Variants in AKAP6 observed in about 807,000 individuals in gnomAD.
AKAP6 encodes the protein A-kinase anchoring protein 6.
Under a neutral mutation model 188.5 loss-of-function variants are expected in AKAP6, and 58 were observed. The ratio of observed to expected loss-of-function variants is 0.31; its 90% CI spans 0.25 to 0.38. The LOEUF is 0.38. AKAP6 is among the 10% of genes least tolerant of loss of function. The pLI is 1.00. For synonymous variants in AKAP6, 989 were observed against 998.6 expected, an observed-to-expected ratio of 0.99 and a Z score of 0.18; for missense variants, 2,710 against 2,740.0, an observed-to-expected ratio of 0.99 and a Z score of 0.24.
intron 4 of AKAP6, among the ~76,000 whole-genome samples, chr14:32,555,747 T>C (rs1474446779): frequency 6.6e-6 from 1 of 152,240 alleles, no homozygotes; most frequent in Non-Finnish European, 1.5e-5. Context: ...TTAAGGTTCA[T>C]CCATGTTGTA....
intron 4 of AKAP6, among the ~76,000 whole-genome samples, chr14:32,554,088 G>A (rs539036954): frequency 6.6e-6 from 1 of 152,262 alleles, no homozygotes; most frequent in African/African-American, 2.4e-5. Context: ...CTGGACATAT[G>A]TGGTATAAGT....
chr14:32,526,826 T>TA (rs202244163), intron 2 of AKAP6, among the ~76,000 whole-genome samples: 2,488 of 152,350 alleles, frequency 0.016, 24 homozygotes, highest in South Asian at 0.029. Flanking sequence ...ACAGCAAAAT[T>TA]AAGAGGCAGG....
chr14:32,573,174 C>T (rs1369026486), intron 4 of AKAP6, among the ~76,000 whole-genome samples: 5 of 152,152 alleles, frequency 3.3e-5, no homozygotes, highest in African/African-American at 4.8e-5. Context: ...ACAGGAAAGA[C>T]ACTGAACAGA....
chr14:32,543,638 C>A (rs1883062262), intron 3 of AKAP6, among the ~76,000 whole-genome samples: 1 of 152,140 alleles, frequency 6.6e-6, no homozygotes, highest in Admixed American at 6.6e-5. Flanking sequence ...CAACAGGATG[C>A]TTCTAAAGGA....
intron 2 of AKAP6, among the ~76,000 whole-genome samples, chr14:32,524,684 C>G (rs538435923): frequency 2.5e-4 from 38 of 152,246 alleles, no homozygotes; most frequent in African/African-American, 8.4e-4. Flanking sequence ...GTAAATTCTA[C>G]TGTAGATATA....
intron 11 of AKAP6, among the ~76,000 whole-genome samples, 168 bp from the exon 12 acceptor site, chr14:32,773,510 T>G (rs1019429594): frequency 1.3e-5 from 2 of 152,180 alleles, no homozygotes; most frequent in Non-Finnish European, 2.9e-5. Context: ...CATATTGGAC[T>G]TCTGTAGGAG....
At chr14:32,710,184 T>C (rs966164893) in intron 9 of AKAP6, among the ~76,000 whole-genome samples, 1 of 108,440 alleles carries the variant, frequency 9.2e-6, no homozygotes, top group South Asian at 3.4e-4. Flanking sequence ...GAACATGACA[T>C]AAAAAATGGA....
At chr14:32,521,949 C>T (rs1221341700) in intron 2 of AKAP6, among the ~76,000 whole-genome samples, 2 of 152,182 alleles carry the variant, frequency 1.3e-5, no homozygotes, top group African/African-American at 4.8e-5. Flanking sequence ...TACTACAAGG[C>T]TACAGTAACC....
At chr14:32,360,854 C>T (rs1041044174) in intron 1 of AKAP6, among the ~76,000 whole-genome samples, 3 of 151,552 alleles carry the variant, frequency 2.0e-5, no homozygotes, top group South Asian at 4.2e-4. Context: ...AGTGTTCCTC[C>T]CACCTCAGCC....
chr14:32,380,362 C>G (rs1320677952), intron 1 of AKAP6, among the ~76,000 whole-genome samples: 1 of 152,120 alleles, frequency 6.6e-6, no homozygotes, highest in African/African-American at 2.4e-5. Flanking sequence ...TTTTATGTGT[C>G]TCTTGCACCA....
intron 4 of AKAP6, among the ~76,000 whole-genome samples, chr14:32,575,692 TG>T (rs1712885610): frequency 6.6e-6 from 1 of 152,212 alleles, no homozygotes; most frequent in African/African-American, 2.4e-5. Flanking sequence ...TATGTATCCC[TG>T]GGTGTGACTC....
intron 1 of AKAP6, among the ~76,000 whole-genome samples, chr14:32,415,527 A>T (rs1408758346): frequency 1.3e-5 from 2 of 152,118 alleles, no homozygotes; most frequent in African/African-American, 4.8e-5. Context: ...TTGTGGTAAA[A>T]TGCATATAAC....
chr14:32,619,649 A>G (rs922634417), intron 7 of AKAP6, among the ~76,000 whole-genome samples: 2 of 152,126 alleles, frequency 1.3e-5, no homozygotes, highest in Non-Finnish European at 2.9e-5. Flanking sequence ...TGTTTTGGCT[A>G]TCTGGGCTCT....
At chr14:32,694,931 A>G (rs1466935769) in intron 8 of AKAP6, among the ~76,000 whole-genome samples, 1 of 152,176 alleles carries the variant, frequency 6.6e-6, no homozygotes, top group African/African-American at 2.4e-5. Context: ...GGTTTTGCTC[A>G]GTTACAATTT....
chr14:32,360,850 C>T, intron 1 of AKAP6, among the ~76,000 whole-genome samples: 1 of 150,708 alleles, frequency 6.6e-6, no homozygotes, highest in Non-Finnish European at 1.5e-5. Flanking sequence ...CTCAAGTGTT[C>T]CTCCCACCTC....
At chr14:32,436,377 A>G (rs1890377210) in intron 2 of AKAP6, among the ~76,000 whole-genome samples, 1 of 152,106 alleles carries the variant, frequency 6.6e-6, no homozygotes, top group Admixed American at 6.6e-5. Flanking sequence ...ATCCTCTCCC[A>G]ATCTTACCAG....
At chr14:32,491,062 G>A (rs945889693) in intron 2 of AKAP6, among the ~76,000 whole-genome samples, 1 of 152,134 alleles carries the variant, frequency 6.6e-6, no homozygotes, top group Admixed American at 6.5e-5. Context: ...TGATCTGGCT[G>A]TGGCATCTGT....
chr14:32,700,206 T>C (rs1890566885), intron 9 of AKAP6, among the ~76,000 whole-genome samples: 1 of 152,176 alleles, frequency 6.6e-6, no homozygotes. Context: ...CATTGTAGTA[T>C]GGTGAGGGTG....
rs551129963 is a variant in AKAP6, at chr14:32,378,707, A to G, written c.-35+49299A>G. On this transcript the variant is annotated intron_variant, in intron 1 of 13. Transcript: ENST00000280979. ...CAAAGCTATTAAGATGACCAAAACT[A>G]GTAACTGCTTTTTAGGATAGTATTT... Among the ~76,000 whole-genome samples, 4 of 152,362 alleles carry G rather than the reference A, an allele frequency of 2.6e-5. No homozygotes were observed. In the East Asian group the frequency reaches 7.7e-4, roughly 29 times the overall value.
Sources: allele counts gnomAD v4.1 joint callset (sites outside exome capture counted in the v4.1 genomes callset), GRCh38; gene constraint gnomAD v4.1.1; transcripts MANE v1.5; gene names NCBI Gene and HGNC (gene_info 2026-07-23, HGNC 2026-07-21).